The following ARB2A variants were observed in gnomAD, a reference collection of about 807,000 sequenced individuals.
ARB2A encodes the protein ARB2 cotranscriptional regulator A.
At chr5:93,944,713 G>C in the ARB2A span, among the ~76,000 whole-genome samples, 1 of 151,926 alleles carries the variant, frequency 6.6e-6, no homozygotes, top group Non-Finnish European at 1.5e-5. Context: ...AAGACAGAAA[G>C]AGATGAAAAA....
the ARB2A span, chr5:93,824,122 C>CAGTT: frequency 6.5e-7 from 1 of 1,540,446 alleles, no homozygotes; most frequent in East Asian, 2.4e-5. Flanking sequence ...GAGACTGGAA[C>CAGTT]TACAGAGAGT....
At chr5:93,656,286 A>G in the ARB2A span, among the ~76,000 whole-genome samples, 1 of 152,232 alleles carries the variant, frequency 6.6e-6, no homozygotes, top group Non-Finnish European at 1.5e-5. Context: ...TTTTAAAAAA[A>G]TGTAGGTGCT....
At chr5:93,694,132 A>G in the ARB2A span, among the ~76,000 whole-genome samples, 3 of 152,232 alleles carry the variant, frequency 2.0e-5, no homozygotes, top group Non-Finnish European at 2.9e-5. Context: ...CCGCCACAAG[A>G]CAAGGATGCC....
the ARB2A span, among the ~76,000 whole-genome samples, chr5:93,857,854 G>A: frequency 6.6e-6 from 1 of 152,228 alleles, no homozygotes; most frequent in Non-Finnish European, 1.5e-5. Flanking sequence ...AGATGGAAAT[G>A]CAGAAATCAC....
the ARB2A span, among the ~76,000 whole-genome samples, chr5:94,010,276 A>G: frequency 6.6e-6 from 1 of 152,096 alleles, no homozygotes; most frequent in Non-Finnish European, 1.5e-5. Flanking sequence ...AGTATTTTCT[A>G]ATTTTCTTTG....
At chr5:93,979,769 C>A in the ARB2A span, among the ~76,000 whole-genome samples, 5 of 151,882 alleles carry the variant, frequency 3.3e-5, no homozygotes, top group Admixed American at 3.3e-4. Context: ...ATGTTTCTTT[C>A]TTTCTCTTCC....
At chr5:93,924,294 T>A in the ARB2A span, among the ~76,000 whole-genome samples, 1 of 152,190 alleles carries the variant, frequency 6.6e-6, no homozygotes, top group Admixed American at 6.5e-5. Context: ...ATAACTGGCA[T>A]GTTTCATACA....
chr5:93,990,620 TAAAAAAAAA>T, the ARB2A span, among the ~76,000 whole-genome samples: 10 of 75,250 alleles, frequency 1.3e-4, no homozygotes, highest in Admixed American at 3.6e-4. Flanking sequence ...CTACCATGAG[TAAAAAAAAA>T]AAAAAAAAAA....
chr5:93,779,069 G>T, the ARB2A span, among the ~76,000 whole-genome samples: 2 of 149,408 alleles, frequency 1.3e-5, no homozygotes, highest in African/African-American at 5.0e-5. Context: ...GAACTATACA[G>T]ATTTGATATG....
the ARB2A span, among the ~76,000 whole-genome samples, chr5:94,093,653 A>G: frequency 6.6e-6 from 1 of 152,206 alleles, no homozygotes; most frequent in South Asian, 2.1e-4. Context: ...CTCAAAATTC[A>G]TGTCCTTATC....
At chr5:93,934,490 T>C in the ARB2A span, among the ~76,000 whole-genome samples, 1 of 152,272 alleles carries the variant, frequency 6.6e-6, no homozygotes, top group East Asian at 1.9e-4. Flanking sequence ...TATTTCTAGG[T>C]CCTCCCCAGT....
chr5:94,078,831 T>C, the ARB2A span, among the ~76,000 whole-genome samples: 1 of 151,946 alleles, frequency 6.6e-6, no homozygotes, highest in Non-Finnish European at 1.5e-5. Flanking sequence ...ACAACTTCTC[T>C]AACCTAAGTA....
At chr5:93,726,360 A>G in the ARB2A span, among the ~76,000 whole-genome samples, 1 of 151,998 alleles carries the variant, frequency 6.6e-6, no homozygotes. Context: ...GTACTGGCTC[A>G]GGCTGGCCAA....
chr5:93,646,861 C>T, the ARB2A span, among the ~76,000 whole-genome samples: 1 of 152,112 alleles, frequency 6.6e-6, no homozygotes, highest in South Asian at 2.1e-4. Context: ...TTCAAACTTA[C>T]AAAGAAGTTG....
the ARB2A span, among the ~76,000 whole-genome samples, chr5:93,631,167 G>A: frequency 6.6e-6 from 1 of 152,146 alleles, no homozygotes; most frequent in East Asian, 1.9e-4. Context: ...TTACAGGCAT[G>A]AGCCACCATG....
the ARB2A span, among the ~76,000 whole-genome samples, chr5:93,965,426 C>A: frequency 2.6e-5 from 4 of 152,122 alleles, no homozygotes; most frequent in Non-Finnish European, 5.9e-5. Flanking sequence ...CTTGTTCACA[C>A]CTTGATTTTA....
the ARB2A span, among the ~76,000 whole-genome samples, chr5:93,986,607 A>G: frequency 0.015 from 2,237 of 152,346 alleles, 18 homozygotes; most frequent in Non-Finnish European, 0.023. Flanking sequence ...AGGAGAGATC[A>G]GAGTGTTACT....
chr5:93,976,196 A>C, the ARB2A span, among the ~76,000 whole-genome samples: 2 of 152,138 alleles, frequency 1.3e-5, no homozygotes, highest in Non-Finnish European at 2.9e-5. Context: ...GACACAGAAA[A>C]ATGCTTTCAT....
the ARB2A span, among the ~76,000 whole-genome samples, chr5:93,870,320 G>A: frequency 6.6e-6 from 1 of 152,140 alleles, no homozygotes; most frequent in Non-Finnish European, 1.5e-5. Context: ...TCTCAATGAG[G>A]CAGTCCTACC....
Sources: allele counts gnomAD v4.1 joint callset (sites outside exome capture counted in the v4.1 genomes callset), GRCh38; gene constraint gnomAD v4.1.1; transcripts MANE v1.5; gene names NCBI Gene and HGNC (gene_info 2026-07-23, HGNC 2026-07-21).